Variants in DRD2 observed in about 807,000 individuals in gnomAD.
DRD2 encodes dopamine receptor D2.
In DRD2, 8 loss-of-function variants were observed where a neutral mutation model predicts 38.0. The observed-to-expected ratio is 0.21, with a 90% CI of 0.12 to 0.38. The LOEUF (loss-of-function observed/expected upper bound fraction) is 0.38. Among genes scored for constraint, DRD2 ranks in the 10% least tolerant of loss-of-function variants. The pLI, the probability that DRD2 is intolerant of heterozygous loss-of-function variation, is 1.00. For missense variants in DRD2, 403 were observed against 607.7 expected (o/e 0.66, Z 3.54); for synonymous variants, 230 against 238.6 (o/e 0.96, Z 0.33).
intron 1 of DRD2, among the ~76,000 whole-genome samples, chr11:113,465,977 A>G (rs1951365306): frequency 6.6e-6 from 1 of 152,202 alleles, no homozygotes; most frequent in African/African-American, 2.4e-5. Flanking sequence ...TGCGTGACTC[A>G]TTTCCTTTGC....
intron 1 of DRD2, among the ~76,000 whole-genome samples, chr11:113,452,358 G>C (rs1195228801): frequency 6.6e-6 from 1 of 152,012 alleles, no homozygotes; most frequent in Non-Finnish European, 1.5e-5. Context: ...GTTTCCAGAA[G>C]ATGGGGAAAG....
At chr11:113,458,443 A>T (rs559938179) in intron 1 of DRD2, among the ~76,000 whole-genome samples, 2 of 152,222 alleles carry the variant, frequency 1.3e-5, no homozygotes, top group Non-Finnish European at 2.9e-5. Flanking sequence ...CTGAAAACAC[A>T]GCCCTCTATG....
chr11:113,427,923 AGGAGCTTT>A (rs1396030401), intron 1 of DRD2, among the ~76,000 whole-genome samples: 1 of 152,162 alleles, frequency 6.6e-6, no homozygotes, highest in Non-Finnish European at 1.5e-5. Flanking sequence ...TCCTTATAAG[AGGAGCTTT>A]GGACATAAAA....
chr11:113,412,143 T>A (rs571218088), intron 7 of DRD2: 1 of 269,964 alleles, frequency 3.7e-6, no homozygotes, highest in African/African-American at 2.2e-5. Context: ...TGCTTTGTAG[T>A]TTAGAAAATG....
At chr11:113,418,001 A>G in intron 3 of DRD2, 26 bp downstream of exon 3, 5 of 1,599,316 alleles carry the variant, frequency 3.1e-6, no homozygotes, top group Non-Finnish European at 4.3e-6. Context: ...GGCCAGAGCA[A>G]CCTCTTCCAC....
At chr11:113,437,993 T>C (rs1951054847) in intron 1 of DRD2, among the ~76,000 whole-genome samples, 1 of 152,038 alleles carries the variant, frequency 6.6e-6, no homozygotes, top group East Asian at 1.9e-4. Flanking sequence ...CTCTCCCAGT[T>C]GATGGAAGCA....
intron 1 of DRD2, among the ~76,000 whole-genome samples, chr11:113,438,625 A>G (rs1391171683): frequency 6.6e-6 from 1 of 152,218 alleles, no homozygotes; most frequent in African/African-American, 2.4e-5. Context: ...ATATCAGGGC[A>G]CCTGGCAGGT....
At chr11:113,426,183 T>G (rs972806493) in intron 1 of DRD2, among the ~76,000 whole-genome samples, 2 of 151,920 alleles carry the variant, frequency 1.3e-5, no homozygotes, top group Non-Finnish European at 2.9e-5. Flanking sequence ...TGGATAGGTG[T>G]GGGGCAAAAG....
Position 113,414,444 on chromosome 11 carries a change from G to C in DRD2, c.741C>G (p.Pro247=), listed in dbSNP as rs80350280. The C allele has an allele frequency of 8.9e-5, 144 of 1,614,032 alleles. No homozygotes were observed. The highest frequency in any genetic ancestry group is 1.2e-4 in the Non-Finnish European group (136 of 1,180,044). The change falls in exon 6 of 8, where the codon CCC becomes CCG. Residue 247 remains proline (P), a synonymous_variant. Coordinates refer to ENST00000362072, the MANE Select transcript of DRD2 (RefSeq NM_000795.4). ...RAPLKGNCTH[P]EDMKLCTVIM... ...TAACGGTGCAGAGTTTCATGTCCTCGGGGTGAGTACAGTTGCCCTGTGGAG... is the reference window on the plus strand; with the variant it reads ...TAACGGTGCAGAGTTTCATGTCCTCCGGGTGAGTACAGTTGCCCTGTGGAG...
intron 1 of DRD2, among the ~76,000 whole-genome samples, chr11:113,463,321 G>A (rs1302095387): frequency 6.6e-6 from 1 of 152,214 alleles, no homozygotes; most frequent in Non-Finnish European, 1.5e-5. Context: ...CAGCCACAGT[G>A]TGGTGCACAC....
At chr11:113,458,657 G>C (rs935424862) in intron 1 of DRD2, among the ~76,000 whole-genome samples, 1 of 152,214 alleles carries the variant, frequency 6.6e-6, no homozygotes, top group Non-Finnish European at 1.5e-5. Flanking sequence ...GTGTGTGTGT[G>C]CATGTGTGTG....
intron 1 of DRD2, among the ~76,000 whole-genome samples, chr11:113,429,531 C>G (rs1259997626): frequency 6.6e-6 from 1 of 152,156 alleles, no homozygotes; most frequent in Non-Finnish European, 1.5e-5. Context: ...AGGCGTGAGC[C>G]ACCGCACCCG....
At chr11:113,474,495 A>G (rs1269993096) in intron 1 of DRD2, 1 of 152,280 alleles carries the variant, frequency 6.6e-6, no homozygotes, top group Non-Finnish European at 1.5e-5. Flanking sequence ...AAGGAGAACG[A>G]AAGTTCAGGA....
At chr11:113,413,690 G>A (rs766216854) in intron 6 of DRD2, among the ~76,000 whole-genome samples, 15 of 152,176 alleles carry the variant, frequency 9.9e-5, no homozygotes, top group East Asian at 1.9e-4. Flanking sequence ...TTTTGTATGC[G>A]GCCCTCTGTG....
intron 1 of DRD2, among the ~76,000 whole-genome samples, chr11:113,452,465 T>C (rs865877129): frequency 8.1e-4 from 73 of 89,584 alleles, no homozygotes; most frequent in African/African-American, 1.8e-3. Context: ...TGTGTGTGTG[T>C]GTGTGCGCGC....
At chr11:113,412,463 C>T in intron 7 of DRD2, 93 bp downstream of exon 7, 1 of 1,490,508 alleles carries the variant, frequency 6.7e-7, no homozygotes, top group Non-Finnish European at 9.2e-7. Context: ...GAAATGCTAG[C>T]CCCATGATCC....
intron 1 of DRD2, among the ~76,000 whole-genome samples, chr11:113,429,483 T>C (rs1164589753): frequency 2.6e-5 from 4 of 151,918 alleles, no homozygotes; most frequent in Non-Finnish European, 5.9e-5. Context: ...CTGACCTCAT[T>C]ATCTGCCTGC....
At chr11:113,440,765 G>A (rs1168967615) in intron 1 of DRD2, among the ~76,000 whole-genome samples, 8 of 152,208 alleles carry the variant, frequency 5.3e-5, no homozygotes, top group Non-Finnish European at 8.8e-5. Context: ...GAGAAATGGA[G>A]AGGGCACCCC....
chr11:113,463,003 C>G (rs925727980), intron 1 of DRD2, among the ~76,000 whole-genome samples: 3 of 151,840 alleles, frequency 2.0e-5, no homozygotes, highest in East Asian at 1.9e-4. Context: ...GACAATAGCA[C>G]AGCATTCAAG....
Sources: gnomAD v4.1 joint callset for allele counts (sites outside exome capture counted in the v4.1 genomes callset) on GRCh38, gnomAD v4.1.1 for gene constraint, MANE v1.5 for transcripts, NCBI Gene and HGNC (gene_info 2026-07-23, HGNC 2026-07-21) for gene names.